REXO5: variants seen among roughly 807,000 people sequenced by gnomAD.
REXO5 encodes the protein RNA exonuclease 5.
REXO5 carries 48 observed loss-of-function variants against 88.5 expected under a neutral mutation model. The observed-to-expected ratio is 0.54, with a 90% CI of 0.43 to 0.69. The LOEUF (loss-of-function observed/expected upper bound fraction) is 0.69, where lower values mean the gene tolerates loss of function less well. REXO5 is among the 30% of genes least tolerant of loss of function. The pLI, the probability that REXO5 is intolerant of heterozygous loss-of-function variation, is 0.00. For synonymous variants in REXO5, 311 were observed against 336.5 expected, an observed-to-expected ratio of 0.92 and a Z score of 0.83; for missense variants, 749 against 912.2, an observed-to-expected ratio of 0.82 and a Z score of 2.30.
In REXO5 at chr16:20,846,343, A is replaced by T; in HGVS notation, c.2243+4A>T. On this transcript the variant is annotated splice_donor_region_variant and intron_variant, in intron 19 of 19. Transcript: ENST00000261377. ...TCCTGCTGCCAGGAACCAAGAGGTA[A>T]GGACTAGAAAGGGTATCCCTTCAGG... 1 of 1,602,316 alleles carries T rather than the reference A, an allele frequency of 6.2e-7. No homozygotes were observed. Among genetic ancestry groups the T allele is most frequent in the Non-Finnish European group, 8.6e-7 (1 of 1,169,302 alleles).
At chr16:20,837,833 C>G (rs1055626773) in intron 13 of REXO5, among the ~76,000 whole-genome samples, 2 of 152,122 alleles carry the variant, frequency 1.3e-5, no homozygotes, top group African/African-American at 4.8e-5. Flanking sequence ...GTGGCGTGAG[C>G]AGAGCTCACT....
chr16:20,834,688 G>C (rs533823342), intron 13 of REXO5, among the ~76,000 whole-genome samples: 1 of 151,474 alleles, frequency 6.6e-6, no homozygotes, highest in Admixed American at 6.6e-5. Flanking sequence ...GATTGTTTCC[G>C]TTGCTATGTC....
intron 6 of REXO5, 38 bp downstream of exon 6, chr16:20,821,940 A>G (rs536759099): frequency 1.3e-6 from 2 of 1,503,970 alleles, no homozygotes; most frequent in Admixed American, 2.4e-5. Flanking sequence ...TAACAATGTA[A>G]GAATATCTAA....
intron 10 of REXO5, 150 bp from the exon 11 acceptor site, chr16:20,828,285 T>C (rs2081287609): frequency 1.8e-6 from 1 of 563,180 alleles, no homozygotes; most frequent in South Asian, 2.1e-5. Flanking sequence ...GGCTGGGCAA[T>C]TAGCTGGAAT....
At chr16:20,819,133 G>T (rs1222910201) in intron 5 of REXO5, among the ~76,000 whole-genome samples, 1 of 152,052 alleles carries the variant, frequency 6.6e-6, no homozygotes, top group Admixed American at 6.6e-5. Context: ...AGTATTCCAT[G>T]GTGTATATGT....
In REXO5 at chr16:20,815,002, C is replaced by G; in HGVS notation, c.327C>G (p.His109Gln). The change falls in exon 4 of 20, where the codon CAC (histidine) becomes CAG (glutamine). Residue 109 changes from histidine (H) to glutamine (Q), a missense_variant. Physicochemically the swap from His to Gln is conservative, Grantham distance 24. Transcript: ENST00000261377. ...VFVLQGMSQL[H>Q]FYRFYLEFGC... ...TTCTGCAGGGAATGAGTCAGCTACA[C>G]TTTTACAGGTTCTATTTGGAGTTTG... 1 of 1,613,856 alleles carries G rather than the reference C, an allele frequency of 6.2e-7. No individual in the cohort carries two copies. The highest frequency in any genetic ancestry group is 8.5e-7 in the Non-Finnish European group (1 of 1,179,958).
intron 10 of REXO5, 106 bp from the exon 11 acceptor site, chr16:20,828,329 T>G: frequency 2.8e-6 from 2 of 703,742 alleles, no homozygotes; most frequent in Non-Finnish European, 4.9e-6. Flanking sequence ...GCAAATCTAA[T>G]TATCAGAATT....
At chr16:20,813,592 C>G (rs1338683903) in intron 3 of REXO5, among the ~76,000 whole-genome samples, 1 of 152,110 alleles carries the variant, frequency 6.6e-6, no homozygotes, top group African/African-American at 2.4e-5. Flanking sequence ...TGGTCTCCCC[C>G]TTTATATGGG....
chr16:20,806,514 C>G (rs968087798), upstream of REXO5: 84 of 1,540,206 alleles, frequency 5.5e-5, no homozygotes, highest in Admixed American at 1.4e-4. Flanking sequence ...GCCCGCGAGG[C>G]TGAGGGGCGG....
At chr16:20,824,398 C>A in intron 6 of REXO5, 41 bp from the exon 7 acceptor site, 1 of 1,124,150 alleles carries the variant, frequency 8.9e-7, no homozygotes, top group Admixed American at 1.8e-5. Context: ...TGTTTACCAT[C>A]TCTATTCTAA....
At chr16:20,840,536 A>G in intron 15 of REXO5, 68 bp downstream of exon 15, 1 of 1,348,196 alleles carries the variant, frequency 7.4e-7, no homozygotes, top group Non-Finnish European at 1.0e-6. Context: ...TGCTTGGGCC[A>G]TGCAGATAGC....
At position 20,828,485 on chromosome 16, in the gene REXO5, C is replaced by T. The variant is rs1177382319; in HGVS notation, c.1106C>T (p.Ala369Val). Residue 369 changes from alanine (A) to valine (V), a missense_variant, in exon 11 of 20, where the codon GCT (alanine) becomes GTT (valine). Coordinates refer to ENST00000261377, the MANE Select transcript of REXO5 (RefSeq NM_030941.3). ...DRLGHDATED[A>V]RTILELARYF... Reference sequence around the variant, plus strand: ...CTTGGTCATGATGCCACAGAAGATGCTAGAACAATCCTTGAATTGGCTCGG... The same window carrying T: ...CTTGGTCATGATGCCACAGAAGATGTTAGAACAATCCTTGAATTGGCTCGG... The T allele has an allele frequency of 6.2e-7, 1 of 1,613,964 alleles. No individual in the cohort carries two copies.
intron 13 of REXO5, among the ~76,000 whole-genome samples, chr16:20,833,558 A>C (rs1275045176): frequency 1.3e-5 from 2 of 152,012 alleles, no homozygotes; most frequent in African/African-American, 2.4e-5. Context: ...TTTTGTTTGT[A>C]AATAATTTCA....
rs143153958 is a variant in REXO5 at position 20,849,196 on chromosome 16, G to C, written c.2244-203G>C. On this transcript the variant is annotated intron_variant, in intron 19 of 19. Transcript: ENST00000261377. ...GCCTCATATCTCTTAATTGGTAAAG[G>C]TAGGATTTGAATCTAGACCTCTGAG... 9.1e-4 allele frequency among the ~76,000 whole-genome samples: 139 copies of C among 152,310 alleles called. 1 individual carries two copies. Among genetic ancestry groups the C allele is most frequent in the African/African-American group, 3.2e-3 (132 of 41,572 alleles).
intron 11 of REXO5, among the ~76,000 whole-genome samples, chr16:20,829,712 G>A (rs969419316): frequency 1.3e-5 from 2 of 152,174 alleles, no homozygotes; most frequent in African/African-American, 4.8e-5. Context: ...AGCCCTGTGA[G>A]TTAGCTATTA....
intron 6 of REXO5, among the ~76,000 whole-genome samples, chr16:20,822,508 G>A (rs1436331776): frequency 6.6e-6 from 1 of 152,166 alleles, no homozygotes; most frequent in East Asian, 1.9e-4. Flanking sequence ...TCACAGAGTT[G>A]TACAGCCATC....
chr16:20,844,551 G>A (rs2081577683), intron 16 of REXO5, 78 bp from the exon 17 acceptor site: 4 of 1,251,622 alleles, frequency 3.2e-6, no homozygotes, highest in South Asian at 1.3e-5. Context: ...TATTAGTAAT[G>A]GCAACAACTT....
intron 5 of REXO5, among the ~76,000 whole-genome samples, chr16:20,820,875 A>C (rs540855262): frequency 2.1e-4 from 32 of 151,666 alleles, no homozygotes; most frequent in Non-Finnish European, 3.4e-4. Context: ...AGTTCTTTAT[A>C]TTTTTTAGTG....
chr16:20,827,867 A>T, intron 10 of REXO5, among the ~76,000 whole-genome samples: 1 of 152,204 alleles, frequency 6.6e-6, no homozygotes, highest in East Asian at 1.9e-4. Flanking sequence ...ATTATTGAAT[A>T]TTTTGTTGTT....
Sources: allele counts gnomAD v4.1 joint callset (sites outside exome capture counted in the v4.1 genomes callset), GRCh38; gene constraint gnomAD v4.1.1; transcripts MANE v1.5; gene names NCBI Gene and HGNC (gene_info 2026-07-23, HGNC 2026-07-21).